Variants in CACNA1H observed in about 807,000 individuals in gnomAD.
The protein encoded by CACNA1H is voltage-dependent T-type calcium channel subunit alpha-1H.
Under a neutral mutation model 192.5 loss-of-function variants are expected in CACNA1H, and 149 were observed. That is an observed-to-expected ratio of 0.77 (90% CI 0.68 to 0.89). CACNA1H has a LOEUF of 0.89. Ranked by LOEUF, CACNA1H falls within the 40% of genes least tolerant of loss-of-function variation. The pLI, the probability that CACNA1H is intolerant of heterozygous loss-of-function variation, is 0.00. For missense variants in CACNA1H, 4,257 were observed against 3,423.5 expected, an observed-to-expected ratio of 1.24 and a Z score of -6.08; for synonymous variants, 2,202 against 1,475.2, an observed-to-expected ratio of 1.49 and a Z score of -11.29.
At chr16:1,212,779 G>A (rs992206092) in intron 26 of CACNA1H, among the ~76,000 whole-genome samples, 8 of 152,344 alleles carry the variant, frequency 5.3e-5, no homozygotes, top group South Asian at 2.1e-4. Flanking sequence ...CCAGAGCAAC[G>A]AGGGGCCGCC....
At chr16:1,198,908 C>T (rs1967339090) in intron 6 of CACNA1H, 134 bp downstream of exon 6, 25 of 796,392 alleles carry the variant, frequency 3.1e-5, no homozygotes, top group South Asian at 1.9e-4. Context: ...CTGCTGTCCC[C>T]GTCATGGCTC....
rs1015664943 is a variant in CACNA1H at position 1,206,341 on chromosome 16, G to A, written c.2789+52G>A. On this transcript the variant is annotated intron_variant, in intron 12 of 34. Coordinates refer to ENST00000348261, the MANE Select transcript of CACNA1H (RefSeq NM_021098.3). The stretch of plus-strand genomic sequence containing the variant: ...CCCAGTGTCTCACCCCAGGGCAGCT[G>A]GGAGGCAAAGGCCCAGGGCACCCCC... 11 of 1,512,534 alleles carry A rather than the reference G, an allele frequency of 7.3e-6. No individual in the cohort carries two copies. The African/African-American group carries it at 1.4e-4, about 19-fold the overall frequency. The allele number at this position is 1,512,534 out of a possible 1,614,324, so 93.7% of individuals were successfully genotyped here.
At chr16:1,196,390 G>A (rs367566430) in intron 5 of CACNA1H, among the ~76,000 whole-genome samples, 4 of 152,202 alleles carry the variant, frequency 2.6e-5, no homozygotes, top group Non-Finnish European at 5.9e-5. Flanking sequence ...GGTGTGGCTC[G>A]TGGTGGAGAC....
chr16:1,199,611 C>T (rs1007009349), intron 6 of CACNA1H, among the ~76,000 whole-genome samples: 4 of 151,078 alleles, frequency 2.6e-5, no homozygotes, highest in Admixed American at 6.6e-5. Flanking sequence ...CCAGGGTCTC[C>T]CCTCGGCCCT....
In CACNA1H at chr16:1,153,967, C is replaced by T. The variant is rs900768678; in HGVS notation, c.230C>T (p.Ala77Val). The T allele has an allele frequency of 4.8e-6, 7 of 1,450,902 alleles. No individual in the cohort carries two copies. In the African/African-American group the frequency reaches 8.9e-5, roughly 18 times the overall value. 89.9% of individuals were successfully genotyped at this position (1,450,902 alleles called of 1,614,324 possible). The change falls in exon 2 of 35, where the codon GCC (alanine) becomes GTC (valine). Residue 77 changes from alanine (A) to valine (V), a missense_variant. By Grantham distance (64) the Ala-to-Val change is moderately conservative (BLOSUM62 0). Coordinates refer to ENST00000348261, the MANE Select transcript of CACNA1H (RefSeq NM_021098.3). ...EQRVPYPALA[A>V]TVFFCLGQTT... ...CGCGTCCCGTACCCGGCCTTGGCGGCCACGGTCTTCTTCTGCCTCGGTCAG... is the reference window on the plus strand; with the variant it reads ...CGCGTCCCGTACCCGGCCTTGGCGGTCACGGTCTTCTTCTGCCTCGGTCAG...
intron 2 of CACNA1H, among the ~76,000 whole-genome samples, chr16:1,194,531 T>G (rs1022674156): frequency 1.6e-4 from 24 of 152,132 alleles, no homozygotes; most frequent in African/African-American, 5.5e-4. Flanking sequence ...GCCCCGACAT[T>G]CCCCCTGCCC....
In CACNA1H at chr16:1,200,567, TC is replaced by T; in HGVS notation, c.1117del (p.Gln373ArgfsTer2). On this transcript the variant is annotated frameshift_variant, in exon 7 of 35. Coordinates refer to ENST00000348261, the MANE Select transcript of CACNA1H (RefSeq NM_021098.3). LOFTEE classifies it high-confidence loss of function. ...DNIGYAWIAI[F>X]QVITLEGWVD... ...ATCGGCTACGCCTGGATTGCCATCT[TC>T]CAGGTGGGCGGCAAGATGGTGGGAC... 1 of 1,611,788 alleles carries T rather than the reference TC, an allele frequency of 6.2e-7. No homozygotes were observed. Among genetic ancestry groups the T allele is most frequent in the South Asian group, 1.1e-5 (1 of 91,068 alleles).
Position 1,165,752 on chromosome 16 carries a change from G to GCTCTC in CACNA1H, c.299+11719_299+11723dup, listed in dbSNP as rs1372629607. ...CGGCTCACAGTGCGGGTGGCTCCCGGCTCTCCTGAGTTGTGCTGGCCACCT... is the reference window on the plus strand; with the variant it reads ...CGGCTCACAGTGCGGGTGGCTCCCGGCTCTCCTCTCCTGAGTTGTGCTGGCCACCT... On this transcript the variant is annotated intron_variant, in intron 2 of 34. Coordinates refer to ENST00000348261, the MANE Select transcript of CACNA1H (RefSeq NM_021098.3). 3.9e-5 allele frequency among the ~76,000 whole-genome samples: 6 copies of GCTCTC among 152,330 alleles called. No homozygotes were observed. In the East Asian group the frequency reaches 1.2e-3, roughly 29 times the overall value.
intron 2 of CACNA1H, among the ~76,000 whole-genome samples, chr16:1,182,262 G>A (rs1965553387): frequency 6.6e-6 from 1 of 152,202 alleles, no homozygotes; most frequent in Admixed American, 6.5e-5. Context: ...GGACATAGAG[G>A]CGGAGGCCAG....
chr16:1,204,726 C>T (rs1035897930), intron 10 of CACNA1H, among the ~76,000 whole-genome samples: 35 of 145,220 alleles, frequency 2.4e-4, no homozygotes, highest in African/African-American at 8.3e-4. Context: ...CCCTTTGGGT[C>T]TTGATGCAGC....
At position 1,217,527 on chromosome 16, in the gene CACNA1H, G is replaced by A. The variant is rs111986423; in HGVS notation, c.5324-392G>A. On this transcript the variant is annotated intron_variant, in intron 31 of 34. Coordinates refer to ENST00000348261, the MANE Select transcript of CACNA1H (RefSeq NM_021098.3). ...ACTTCAGGCAGCCCAGTCCCTGCAGGGCCCTCCCCCGGGCCCTGTCCCGAC... is the reference window on the plus strand; with the variant it reads ...ACTTCAGGCAGCCCAGTCCCTGCAGAGCCCTCCCCCGGGCCCTGTCCCGAC... 5.7e-3 allele frequency among the ~76,000 whole-genome samples: 866 copies of A among 152,238 alleles called. 11 individuals are homozygous for A. Among genetic ancestry groups the A allele is most frequent in the African/African-American group, 0.019 (808 of 41,538 alleles).
At chr16:1,156,055 C>T (rs1035928558) in intron 2 of CACNA1H, among the ~76,000 whole-genome samples, 1 of 152,166 alleles carries the variant, frequency 6.6e-6, no homozygotes, top group African/African-American at 2.4e-5. Context: ...CCAGGGCTCT[C>T]TGGGCTGGGA....
intron 2 of CACNA1H, among the ~76,000 whole-genome samples, chr16:1,178,685 C>A (rs1965161401): frequency 6.6e-6 from 1 of 152,176 alleles, no homozygotes; most frequent in Non-Finnish European, 1.5e-5. Flanking sequence ...CCACACTGTC[C>A]CTCGGGTCCC....
intron 2 of CACNA1H, among the ~76,000 whole-genome samples, chr16:1,183,320 C>T (rs1965659357): frequency 6.6e-6 from 1 of 152,184 alleles, no homozygotes; most frequent in African/African-American, 2.4e-5. Flanking sequence ...TCACCCCTTC[C>T]TGAGTTAAAA....
chr16:1,162,109 G>C (rs573489325), intron 2 of CACNA1H, among the ~76,000 whole-genome samples: 1 of 152,286 alleles, frequency 6.6e-6, no homozygotes, highest in South Asian at 2.1e-4. Flanking sequence ...GCCTCTGGGT[G>C]TGTGGCGGGG....
intron 2 of CACNA1H, among the ~76,000 whole-genome samples, chr16:1,182,485 T>C (rs1245564310): frequency 2.0e-5 from 3 of 152,058 alleles, no homozygotes; most frequent in Non-Finnish European, 4.4e-5. Flanking sequence ...CGTGCCCTCC[T>C]GTGACCCGCG....
In CACNA1H at chr16:1,221,102, A is replaced by C; in HGVS notation, c.*108A>C. On this transcript the variant is annotated 3_prime_UTR_variant, in exon 35 of 35. Coordinates refer to ENST00000348261, the MANE Select transcript of CACNA1H (RefSeq NM_021098.3). ...GGACCCTGACTTGGGTCCCGTCGTG[A>C]GCAGAAAGGCCCGGGGAGGATGACG... 1 of 843,248 alleles carries C rather than the reference A, an allele frequency of 1.2e-6. No individual in the cohort carries two copies. Among genetic ancestry groups the C allele is most frequent in the Non-Finnish European group, 1.8e-6 (1 of 556,990 alleles). 52.2% of individuals were successfully genotyped at this position (843,248 alleles called of 1,614,324 possible).
At chr16:1,175,404 G>C (rs1173606544) in intron 2 of CACNA1H, among the ~76,000 whole-genome samples, 1 of 152,146 alleles carries the variant, frequency 6.6e-6, no homozygotes, top group Non-Finnish European at 1.5e-5. Flanking sequence ...GCTTTGAGGG[G>C]GTTGACAGGA....
chr16:1,157,931 T>A (rs1741332581), intron 2 of CACNA1H: 1 of 152,236 alleles, frequency 6.6e-6, no homozygotes, highest in South Asian at 2.1e-4. Context: ...TCGGCCGTGC[T>A]AGGGCGCGTG....
Sources: allele counts gnomAD v4.1 joint callset (sites outside exome capture counted in the v4.1 genomes callset), GRCh38; gene constraint gnomAD v4.1.1; transcripts MANE v1.5; gene names NCBI Gene and HGNC (gene_info 2026-07-23, HGNC 2026-07-21).